Variants in ARHGEF10L observed in about 807,000 individuals in gnomAD.
The protein encoded by ARHGEF10L is rho guanine nucleotide exchange factor 10-like protein.
In ARHGEF10L, 69 loss-of-function variants were observed where a neutral mutation model predicts 141.2. The observed-to-expected ratio is 0.49, with a 90% CI of 0.40 to 0.60. The LOEUF (loss-of-function observed/expected upper bound fraction) is 0.60, where lower values mean the gene tolerates loss of function less well. ARHGEF10L is among the 20% of genes least tolerant of loss of function. The probability of loss-of-function intolerance (pLI) is 0.00; values close to 1 mark genes in which losing one functional copy is unlikely to be tolerated. For missense variants in ARHGEF10L, 1,482 were observed against 1,734.3 expected (o/e 0.85, Z 2.58); for synonymous variants, 711 against 718.5 (o/e 0.99, Z 0.17).
chr1:17,562,056 A>C (rs901396012), intron 1 of ARHGEF10L, among the ~76,000 whole-genome samples: 5 of 152,176 alleles, frequency 3.3e-5, no homozygotes, highest in African/African-American at 1.2e-4. Context: ...ACATTTATTG[A>C]AGACTTGTTA....
At chr1:17,528,954 G>C in the ARHGEF10L span, among the ~76,000 whole-genome samples, 1 of 152,126 alleles carries the variant, frequency 6.6e-6, no homozygotes, top group Non-Finnish European at 1.5e-5. Context: ...CCATGTTGAT[G>C]ATGATGGTTG....
chr1:17,533,677 G>A, the ARHGEF10L span, among the ~76,000 whole-genome samples: 4 of 152,176 alleles, frequency 2.6e-5, no homozygotes, highest in African/African-American at 9.7e-5. Flanking sequence ...GGCTTGAGGT[G>A]TTGCTCCGTG....
intron 10 of ARHGEF10L, among the ~76,000 whole-genome samples, chr1:17,620,205 C>CAA (rs71575849): frequency 0.038 from 4,485 of 117,356 alleles, 117 homozygotes; most frequent in Middle Eastern, 0.085. Context: ...GACTCTGTCT[C>CAA]AAAAAAAAAA....
intron 1 of ARHGEF10L, among the ~76,000 whole-genome samples, chr1:17,554,275 T>A (rs780853364): frequency 8.5e-4 from 130 of 152,260 alleles, no homozygotes; most frequent in Middle Eastern, 3.4e-3. Context: ...TAGCCCACCA[T>A]TGGCCAGAGC....
At chr1:17,566,470 C>G (rs939160980) in intron 1 of ARHGEF10L, among the ~76,000 whole-genome samples, 2 of 152,214 alleles carry the variant, frequency 1.3e-5, no homozygotes, top group Admixed American at 1.3e-4. Flanking sequence ...ATCCCATGTA[C>G]CTTGGGAGCA....
intron 26 of ARHGEF10L, among the ~76,000 whole-genome samples, chr1:17,682,971 T>C (rs950389245): frequency 2.6e-5 from 4 of 152,136 alleles, no homozygotes; most frequent in Non-Finnish European, 5.9e-5. Context: ...CCCCTGGCAA[T>C]GAATTCTGAG....
chr1:17,638,833 C>A, intron 20 of ARHGEF10L, 144 bp downstream of exon 20: 3 of 1,236,986 alleles, frequency 2.4e-6, no homozygotes, highest in Non-Finnish European at 3.3e-6. Context: ...TGGGCCATGT[C>A]TGGGATAGCA....
intron 7 of ARHGEF10L, among the ~76,000 whole-genome samples, chr1:17,610,489 C>T (rs1056406598): frequency 1.3e-5 from 2 of 152,230 alleles, no homozygotes; most frequent in Non-Finnish European, 2.9e-5. Context: ...CACCTGCTCG[C>T]TGATCAGCAG....
chr1:17,651,573 G>T (rs2061937741), intron 22 of ARHGEF10L, among the ~76,000 whole-genome samples: 1 of 152,174 alleles, frequency 6.6e-6, no homozygotes, highest in Non-Finnish European at 1.5e-5. Context: ...TCACAGAACT[G>T]GCCACTGCCT....
At chr1:17,590,708 C>G (rs1224188148) in intron 4 of ARHGEF10L, among the ~76,000 whole-genome samples, 1 of 152,126 alleles carries the variant, frequency 6.6e-6, no homozygotes, top group Non-Finnish European at 1.5e-5. Flanking sequence ...CATGTCAGAC[C>G]TGGTGAAGTG....
chr1:17,582,939 G>C (rs960747682), intron 2 of ARHGEF10L, among the ~76,000 whole-genome samples: 2 of 152,038 alleles, frequency 1.3e-5, no homozygotes, highest in Non-Finnish European at 2.9e-5. Context: ...AAAGGGAGGA[G>C]GTGCAGGCCA....
In ARHGEF10L at chr1:17,625,913, C is replaced by T. The variant is rs768930784; in HGVS notation, c.1318-43C>T. 3 of 1,582,168 alleles carry T rather than the reference C, an allele frequency of 1.9e-6. No homozygotes were observed. The East Asian group carries it at 6.7e-5, about 35-fold the overall frequency. On this transcript the variant is annotated intron_variant, in intron 13 of 28. Transcript: ENST00000361221. The surrounding 1 kb of genome is among the most constrained non-coding windows in gnomAD (Gnocchi z 4.5). Reference sequence around the variant, plus strand: ...TCTGGACTCTGGGGCACTGGGCCCTCTCTGCAGGGGGTCAGCGAATGACGG... The same window carrying T: ...TCTGGACTCTGGGGCACTGGGCCCTTTCTGCAGGGGGTCAGCGAATGACGG...
In ARHGEF10L at chr1:17,664,601, G is replaced by A; in HGVS notation, c.3009+6G>A. ...CCACCACCCTGCAGCCTCAGGTACT[G>A]CACTATCCTTTGGCTTGTGGCCCTG... On this transcript the variant is annotated splice_donor_region_variant and intron_variant, in intron 26 of 28. Coordinates refer to ENST00000361221, the MANE Select transcript of ARHGEF10L (RefSeq NM_018125.4). 6.4e-7 allele frequency: 1 copy of A among 1,553,378 alleles called. No homozygotes were observed. The highest frequency in any genetic ancestry group is 8.7e-7 in the Non-Finnish European group (1 of 1,152,262).
At chr1:17,637,386 C>T (rs1019253732) in intron 18 of ARHGEF10L, among the ~76,000 whole-genome samples, 5 of 152,220 alleles carry the variant, frequency 3.3e-5, no homozygotes, top group Non-Finnish European at 5.9e-5. Context: ...GCCCTTTGTA[C>T]AGACTGACTA....
intron 22 of ARHGEF10L, among the ~76,000 whole-genome samples, chr1:17,652,102 G>C (rs1163025247): frequency 6.6e-6 from 1 of 152,242 alleles, no homozygotes; most frequent in Admixed American, 6.5e-5. Context: ...ATGGCGAGCA[G>C]TGGCCCAGAC....
chr1:17,663,220 T>C (rs1571357542), intron 25 of ARHGEF10L, among the ~76,000 whole-genome samples: 2 of 151,860 alleles, frequency 1.3e-5, no homozygotes, highest in East Asian at 3.9e-4. Flanking sequence ...GTCTGTTTGG[T>C]TTTCAGGGAT....
In ARHGEF10L at chr1:17,627,518, C is replaced by CCACCTGCCTGCCCT. The variant is rs749490209; in HGVS notation, c.1584+36_1584+49dup. 1.2e-6 allele frequency: 2 copies of CCACCTGCCTGCCCT among 1,609,508 alleles called. No homozygotes were observed. The highest frequency in any genetic ancestry group is 1.7e-6 in the Non-Finnish European group (2 of 1,178,710). On this transcript the variant is annotated intron_variant, in intron 15 of 28. Coordinates refer to ENST00000361221, the MANE Select transcript of ARHGEF10L (RefSeq NM_018125.4). This position sits in a 1 kb window ranked among gnomAD's most constrained non-coding sequence, Gnocchi z 4.0. ...GCCTCAACAAGGTGAGCTGGGCCTC[C>CCACCTGCCTGCCCT]CACCTGCCTGCCCTCACCTGCCTGC... is the stretch of plus-strand genomic sequence containing the variant.
intron 4 of ARHGEF10L, among the ~76,000 whole-genome samples, chr1:17,593,550 G>C (rs1434508414): frequency 6.6e-6 from 1 of 152,124 alleles, no homozygotes; most frequent in Non-Finnish European, 1.5e-5. Flanking sequence ...TCCTGGCCTT[G>C]GAAATGGAGG....
chr1:17,659,790 C>A (rs2062497409), intron 25 of ARHGEF10L, among the ~76,000 whole-genome samples: 1 of 152,238 alleles, frequency 6.6e-6, no homozygotes, highest in East Asian at 1.9e-4. Flanking sequence ...CATTCCTGGC[C>A]ATGCTTTGGC....
Sources: gnomAD v4.1 joint callset for allele counts (sites outside exome capture counted in the v4.1 genomes callset) on GRCh38, gnomAD v4.1.1 for gene constraint, Gnocchi (gnomAD v3.1) non-coding constraint, MANE v1.5 for transcripts, NCBI Gene and HGNC (gene_info 2026-07-23, HGNC 2026-07-21) for gene names.